The following ARMH3 variants were observed in gnomAD, a reference collection of about 807,000 sequenced individuals.
ARMH3 encodes the protein armadillo-like helical domain-containing protein 3.
In ARMH3, 60 loss-of-function variants were observed where a neutral mutation model predicts 99.1. That is an observed-to-expected ratio of 0.61 (90% CI 0.49 to 0.75). The LOEUF is 0.75. ARMH3 is among the 30% of genes least tolerant of loss of function. The pLI is 0.00. For missense variants in ARMH3, 679 were observed against 843.1 expected (o/e 0.81, Z 2.41); for synonymous variants, 285 against 292.8 (o/e 0.97, Z 0.27).
chr10:101,892,955 G>T (rs2067729553), intron 23 of ARMH3, among the ~76,000 whole-genome samples: 1 of 152,180 alleles, frequency 6.6e-6, no homozygotes, highest in African/African-American at 2.4e-5. Flanking sequence ...GCAAGTTAAG[G>T]CTGAGGTTTG....
chr10:102,033,215 A>T (rs367955901), intron 3 of ARMH3, 43 bp from the exon 4 acceptor site: 111 of 1,613,696 alleles, frequency 6.9e-5, no homozygotes, highest in Non-Finnish European at 9.1e-5. Flanking sequence ...TTTTTAGCTT[A>T]GCGCCTAGAA....
At chr10:101,960,145 T>TCCAC (rs1845219885) in intron 20 of ARMH3, among the ~76,000 whole-genome samples, 2 of 151,826 alleles carry the variant, frequency 1.3e-5, no homozygotes, top group South Asian at 2.1e-4. Context: ...ACCACTGCAC[T>TCCAC]CCACCTTGGG....
At chr10:102,029,456 T>TA in intron 5 of ARMH3, 182 bp downstream of exon 5, 1 of 1,546,866 alleles carries the variant, frequency 6.5e-7, no homozygotes, top group Non-Finnish European at 8.7e-7. Context: ...AATTTGAATT[T>TA]AAAATTTTCC....
rs376137816 is a variant in ARMH3 at position 102,013,983 on chromosome 10, A to C, written c.711T>G (p.Asp237Glu). The C allele has an allele frequency of 6.2e-5, 100 of 1,610,512 alleles. 1 individual carries two copies. The highest frequency in any genetic ancestry group is 7.8e-5 in the Non-Finnish European group (92 of 1,177,938). The change falls in exon 9 of 26, where the codon GAT (aspartate) becomes GAG (glutamate). Residue 237 changes from aspartate (D) to glutamate (E), a missense_variant. Transcript: ENST00000370033. ...PYIVKLSIVDDEATLNGMGLV... is the reference protein window; with the variant it reads ...PYIVKLSIVDEEATLNGMGLV... ...AGATACTCACATTGAGTGTGGCCTC[A>C]TCATCCACGATAGACAGCTTCACAA...
chr10:102,045,073 T>C (rs1206322592), intron 1 of ARMH3, among the ~76,000 whole-genome samples: 1 of 147,950 alleles, frequency 6.8e-6, no homozygotes, highest in Non-Finnish European at 1.5e-5. Context: ...GAGGCAAAGG[T>C]TGCAGTGAGC....
chr10:101,938,017 C>A (rs1029510784), intron 23 of ARMH3, among the ~76,000 whole-genome samples: 5 of 152,114 alleles, frequency 3.3e-5, no homozygotes, highest in African/African-American at 1.2e-4. Flanking sequence ...GCATGTGCCA[C>A]CATGCCCAGC....
At chr10:101,869,187 C>T (rs1037812968) in intron 24 of ARMH3, among the ~76,000 whole-genome samples, 1 of 152,032 alleles carries the variant, frequency 6.6e-6, no homozygotes, top group Non-Finnish European at 1.5e-5. Context: ...GTGCCTCTAA[C>T]TTGGGTGTTG....
At chr10:101,937,533 A>AAAG (rs1173759800) in intron 23 of ARMH3, among the ~76,000 whole-genome samples, 20 of 151,282 alleles carry the variant, frequency 1.3e-4, no homozygotes, top group Middle Eastern at 3.4e-3. Flanking sequence ...AAAAAAAAAA[A>AAAG]AAGAAGAAGA....
chr10:101,849,655 A>C, intron 25 of ARMH3, 121 bp downstream of exon 25: 1 of 752,812 alleles, frequency 1.3e-6, no homozygotes, highest in Non-Finnish European at 2.2e-6. Context: ...GAAGTTGCAT[A>C]CCCCATCCCA....
intron 23 of ARMH3, among the ~76,000 whole-genome samples, chr10:101,922,037 C>A (rs1843328090): frequency 6.6e-6 from 1 of 152,108 alleles, no homozygotes; most frequent in South Asian, 2.1e-4. Context: ...ATGATGGACA[C>A]CCAAGATACC....
chr10:101,993,704 C>G (rs1289518644), intron 16 of ARMH3, 101 bp from the exon 17 acceptor site: 1 of 749,796 alleles, frequency 1.3e-6, no homozygotes, highest in Non-Finnish European at 2.2e-6. Context: ...GAACTACTTT[C>G]AAGGATCAGC....
At chr10:101,930,116 C>T (rs889460815) in intron 23 of ARMH3, among the ~76,000 whole-genome samples, 2 of 152,068 alleles carry the variant, frequency 1.3e-5, no homozygotes, top group Non-Finnish European at 2.9e-5. Context: ...AAAAATTATA[C>T]ACCATGACCA....
intron 20 of ARMH3, among the ~76,000 whole-genome samples, chr10:101,972,678 T>C (rs2135908579): frequency 6.6e-6 from 1 of 152,360 alleles, no homozygotes; most frequent in South Asian, 2.1e-4. Context: ...TAACACCTGC[T>C]GCTCTGCATC....
At chr10:101,980,787 T>C (rs1056842790) in intron 19 of ARMH3, among the ~76,000 whole-genome samples, 1 of 152,048 alleles carries the variant, frequency 6.6e-6, no homozygotes, top group Admixed American at 6.6e-5. Context: ...CTATTCACAA[T>C]AGCTAAGACA....
At chr10:102,055,587 G>C (rs1328872771) in intron 1 of ARMH3, among the ~76,000 whole-genome samples, 2 of 152,190 alleles carry the variant, frequency 1.3e-5, no homozygotes, top group African/African-American at 4.8e-5. Context: ...TGAAGAGTGG[G>C]TTAAAGCCTG....
chr10:101,890,544 C>A (rs1454490471), intron 23 of ARMH3, among the ~76,000 whole-genome samples: 2 of 152,204 alleles, frequency 1.3e-5, no homozygotes, highest in African/African-American at 2.4e-5. Context: ...GGCTGGCCAA[C>A]AAATCTTTCT....
rs1279939955 is a variant in ARMH3, at chr10:101,992,058, AGAAAG to A, written c.1276-25_1276-21del. ...CATAGGCTTCACACCAAAAAAATGA[AGAAAG>A]GAAATTAGTAGACACCGGCACTGAC... On this transcript the variant is annotated intron_variant, in intron 17 of 25. Coordinates refer to ENST00000370033, the MANE Select transcript of ARMH3 (RefSeq NM_024541.3). 2 of 1,608,932 alleles carry A rather than the reference AGAAAG, an allele frequency of 1.2e-6. No individual in the cohort carries two copies. The highest frequency in any genetic ancestry group is 3.3e-5 in the Admixed American group (2 of 59,992).
intron 20 of ARMH3, among the ~76,000 whole-genome samples, chr10:101,971,689 C>T (rs891484561): frequency 6.6e-6 from 1 of 152,186 alleles, no homozygotes; most frequent in African/African-American, 2.4e-5. Context: ...GATCCAGAAA[C>T]TCTGTGAAAC....
intron 23 of ARMH3, among the ~76,000 whole-genome samples, chr10:101,908,937 A>G (rs1842757552): frequency 6.6e-6 from 1 of 151,926 alleles, no homozygotes; most frequent in Non-Finnish European, 1.5e-5. Flanking sequence ...TGCTGGGATT[A>G]CAGGTGTAAG....
Sources: allele counts gnomAD v4.1 joint callset (sites outside exome capture counted in the v4.1 genomes callset), GRCh38; gene constraint gnomAD v4.1.1; transcripts MANE v1.5; gene names NCBI Gene and HGNC (gene_info 2026-07-23, HGNC 2026-07-21).